Variants in CNTNAP5 observed in about 807,000 individuals in gnomAD.
CNTNAP5 encodes contactin associated protein family member 5.
A neutral mutation model predicts 150.2 loss-of-function variants in CNTNAP5; 72 were observed. The observed-to-expected ratio is 0.48, with a 90% confidence interval of 0.40 to 0.58. The LOEUF (loss-of-function observed/expected upper bound fraction) is 0.58. Among genes scored for constraint, CNTNAP5 ranks in the 20% least tolerant of loss-of-function variants. The probability of loss-of-function intolerance (pLI) is 0.00; values close to 1 mark genes in which losing one functional copy is unlikely to be tolerated. For missense variants in CNTNAP5, 1,636 were observed against 1,626.2 expected (o/e 1.01, Z -0.10); for synonymous variants, 672 against 619.8 (o/e 1.08, Z -1.25).
chr2:124,475,862 G>A (rs1239282476), intron 7 of CNTNAP5, among the ~76,000 whole-genome samples: 1 of 151,990 alleles, frequency 6.6e-6, no homozygotes, highest in Non-Finnish European at 1.5e-5. Flanking sequence ...CTTTTAATTG[G>A]TCTATTTAGC....
chr2:124,740,550 A>G lies in CNTNAP5; in HGVS notation c.2078-6679A>G, dbSNP rs2105137287. Among the ~76,000 whole-genome samples, 2 of 152,286 alleles carry G rather than the reference A, an allele frequency of 1.3e-5. 1 individual carries two copies. Among genetic ancestry groups the G allele is most frequent in the Non-Finnish European group, 2.9e-5 (2 of 68,006 alleles). ...CACATGTGGGACGGAAGAAGGGCAGATGGGAAAGACACTAGCGGTTTCTAA... is the reference window on the plus strand; with the variant it reads ...CACATGTGGGACGGAAGAAGGGCAGGTGGGAAAGACACTAGCGGTTTCTAA... On this transcript the variant is annotated intron_variant, in intron 13 of 23. Transcript: ENST00000682447.
At chr2:124,536,701 C>G (rs760481182) in intron 10 of CNTNAP5, among the ~76,000 whole-genome samples, 1 of 151,964 alleles carries the variant, frequency 6.6e-6, no homozygotes, top group Non-Finnish European at 1.5e-5. Context: ...GTAGCCAGAG[C>G]GGGCCAGGGA....
At chr2:124,901,117 T>C (rs1296200929) in intron 21 of CNTNAP5, among the ~76,000 whole-genome samples, 1 of 151,638 alleles carries the variant, frequency 6.6e-6, no homozygotes, top group Non-Finnish European at 1.5e-5. Flanking sequence ...CTCAGAGTCC[T>C]TTTATATTTG....
At chr2:124,386,130 T>A (rs1424625747) in intron 3 of CNTNAP5, among the ~76,000 whole-genome samples, 9 of 152,110 alleles carry the variant, frequency 5.9e-5, no homozygotes, top group Non-Finnish European at 1.3e-4. Context: ...TCACTGTCCT[T>A]CTCTTTCACA....
At chr2:124,579,584 C>A (rs1696365961) in intron 11 of CNTNAP5, among the ~76,000 whole-genome samples, 1 of 152,168 alleles carries the variant, frequency 6.6e-6, no homozygotes, top group Non-Finnish European at 1.5e-5. Context: ...TTGGTATTAT[C>A]CCCCGATAGT....
intron 3 of CNTNAP5, among the ~76,000 whole-genome samples, chr2:124,273,120 G>A (rs1687800173): frequency 6.6e-6 from 1 of 152,178 alleles, no homozygotes; most frequent in Non-Finnish European, 1.5e-5. Flanking sequence ...GATAAAGTGT[G>A]CAACATACCC....
At chr2:124,609,553 C>A (rs189344606) in intron 11 of CNTNAP5, among the ~76,000 whole-genome samples, 1 of 151,934 alleles carries the variant, frequency 6.6e-6, no homozygotes, top group Admixed American at 6.6e-5. Flanking sequence ...GAGCCGTGAT[C>A]GTGCTACTGC....
At chr2:124,653,154 A>C (rs1019798351) in intron 13 of CNTNAP5, among the ~76,000 whole-genome samples, 1 of 152,182 alleles carries the variant, frequency 6.6e-6, no homozygotes, top group African/African-American at 2.4e-5. Context: ...AGCCATTCCT[A>C]TTAATTCATT....
intron 6 of CNTNAP5, among the ~76,000 whole-genome samples, chr2:124,464,087 A>T (rs774658265): frequency 2.0e-5 from 3 of 152,166 alleles, no homozygotes; most frequent in Non-Finnish European, 4.4e-5. Flanking sequence ...ACTTTGAGAG[A>T]GTGCCCAGGG....
At chr2:124,633,577 C>T (rs1345010951) in intron 12 of CNTNAP5, among the ~76,000 whole-genome samples, 1 of 152,146 alleles carries the variant, frequency 6.6e-6, no homozygotes, top group Non-Finnish European at 1.5e-5. Flanking sequence ...GTTAGTGGAT[C>T]TACTATTTGG....
Position 124,917,115 on chromosome 2 carries a change from CCA to C in CNTNAP5, c.*2828_*2829del, listed in dbSNP as rs1036473220. On this transcript the variant is annotated 3_prime_UTR_variant, in exon 24 of 24. Coordinates refer to ENST00000682447, the MANE Select transcript of CNTNAP5 (RefSeq NM_001367498.1). ...TGAAAGCATCTTAATCTCTCTTTAA[CCA>C]TTTTTTTTTTCTTTTTCCTACCACA... Among the ~76,000 whole-genome samples the C allele has an allele frequency of 4.3e-4, 66 of 151,972 alleles. No homozygotes were observed. Among genetic ancestry groups the C allele is most frequent in the Non-Finnish European group, 5.9e-5 (4 of 67,964 alleles).
intron 1 of CNTNAP5, among the ~76,000 whole-genome samples, chr2:124,178,536 T>C (rs1685123472): frequency 6.6e-6 from 1 of 152,222 alleles, no homozygotes; most frequent in Non-Finnish European, 1.5e-5. Flanking sequence ...GTAATTTCAA[T>C]GTTTTTGTTT....
intron 2 of CNTNAP5, among the ~76,000 whole-genome samples, chr2:124,229,679 A>C (rs1686564256): frequency 6.6e-6 from 1 of 152,128 alleles, no homozygotes; most frequent in South Asian, 2.1e-4. Flanking sequence ...AAAGCTTTTG[A>C]TCTCGGCATT....
chr2:124,157,206 T>G (rs1271756260), intron 1 of CNTNAP5, among the ~76,000 whole-genome samples: 1 of 152,170 alleles, frequency 6.6e-6, no homozygotes, highest in East Asian at 1.9e-4. Context: ...CATGTCTGTC[T>G]CCCTCACAGC....
At position 124,041,974 on chromosome 2, in the gene CNTNAP5, G is replaced by T. The variant is rs556238451; in HGVS notation, c.82+16242G>T. ...TCTCCTGGGTTCAAGTGATTCTTCT[G>T]CCTCAGCCTCCGAATAGCTGGGATT... On this transcript the variant is annotated intron_variant, in intron 1 of 23. Coordinates refer to ENST00000682447, the MANE Select transcript of CNTNAP5 (RefSeq NM_001367498.1). Among the ~76,000 whole-genome samples, 141 of 152,218 alleles carry T rather than the reference G, an allele frequency of 9.3e-4. 4 individuals are homozygous for T. The South Asian group carries it at 0.028, about 30-fold the overall frequency.
chr2:124,244,272 T>C (rs1206367335), intron 3 of CNTNAP5, among the ~76,000 whole-genome samples: 1 of 152,110 alleles, frequency 6.6e-6, no homozygotes, highest in Non-Finnish European at 1.5e-5. Flanking sequence ...TCCAAGCTCC[T>C]CAAAGGCAGG....
At chr2:124,457,498 A>G (rs1423196864) in intron 6 of CNTNAP5, among the ~76,000 whole-genome samples, 2 of 152,186 alleles carry the variant, frequency 1.3e-5, no homozygotes, top group African/African-American at 4.8e-5. Context: ...TGCTAAGGAC[A>G]TGAATAGACA....
At chr2:124,688,904 C>T (rs935093955) in intron 13 of CNTNAP5, among the ~76,000 whole-genome samples, 1 of 151,898 alleles carries the variant, frequency 6.6e-6, no homozygotes, top group Non-Finnish European at 1.5e-5. Context: ...AGCTGTAAAA[C>T]ACGATAAAAA....
chr2:124,627,308 A>G (rs913010406), intron 12 of CNTNAP5, among the ~76,000 whole-genome samples: 4 of 152,150 alleles, frequency 2.6e-5, no homozygotes, highest in African/African-American at 9.7e-5. Context: ...GTCACCAGAA[A>G]CCACAGACAG....
Sources: allele counts gnomAD v4.1 joint callset (sites outside exome capture counted in the v4.1 genomes callset), GRCh38; gene constraint gnomAD v4.1.1; transcripts MANE v1.5; gene names NCBI Gene and HGNC (gene_info 2026-07-23, HGNC 2026-07-21).